The following TBC1D9B variants were observed in gnomAD, a reference collection of about 807,000 sequenced individuals.
TBC1D9B encodes TBC1 domain family, member 9B (with GRAM domain).
A neutral mutation model predicts 121.1 loss-of-function variants in TBC1D9B; 87 were observed. That is an observed-to-expected ratio of 0.72 (90% CI 0.60 to 0.86). TBC1D9B has a LOEUF of 0.86. TBC1D9B is among the 40% of genes least tolerant of loss of function. The pLI, the probability that TBC1D9B is intolerant of heterozygous loss-of-function variation, is 0.00. For synonymous variants in TBC1D9B, 668 were observed against 670.1 expected (o/e 1.00, Z 0.05); for missense variants, 1,540 against 1,628.6 (o/e 0.95, Z 0.94).
rs148836971 is a variant in TBC1D9B, at chr5:179,872,979, G to T, written c.2328C>A (p.Ser776Arg). 4.9e-4 allele frequency: 788 copies of T among 1,613,922 alleles called. No individual in the cohort carries two copies. Among genetic ancestry groups the T allele is most frequent in the Non-Finnish European group, 6.3e-4 (741 of 1,180,026 alleles). The stretch of plus-strand genomic sequence containing the variant: ...TCTGCTCAATGTCTTCGGCCCTCAG[G>T]CTGCTGAATTTCTATAGGGAGAGGT... ...LLKVSYEKFS[S>R]LRAEDIEQMR... The change falls in exon 14 of 21, where the codon AGC (serine) becomes AGA (arginine). Residue 776 changes from serine (S) to arginine (R), a missense_variant. By Grantham distance (110) the Ser-to-Arg change is moderately radical. Transcript: ENST00000355235.
At chr5:179,888,417 A>C (rs1312066465) in intron 6 of TBC1D9B, 105 bp from the exon 7 acceptor site, 5 of 1,152,988 alleles carry the variant, frequency 4.3e-6, no homozygotes, top group Non-Finnish European at 6.2e-6. Context: ...TCCTGGGCAC[A>C]ATGCAGTGAG....
rs773545331 is a variant in TBC1D9B at position 179,863,568 on chromosome 5, G to A, written c.3582C>T (p.Ser1194=). 14 of 1,614,054 alleles carry A rather than the reference G, an allele frequency of 8.7e-6. No homozygotes were observed. Among genetic ancestry groups the A allele is most frequent in the Admixed American group, 1.7e-5 (1 of 60,012 alleles). Residue 1194 remains serine, a synonymous_variant, in exon 21 of 21, where the codon TCC becomes TCT. Transcript: ENST00000355235. The surrounding 1 kb of genome is among the most constrained non-coding windows in gnomAD (Gnocchi z 4.5). ...EQILASILTE[S]VLVNFFEKRV... Reference sequence around the variant, plus strand: ...TCTTCTCAAAGAAGTTCACCAGCACGGACTCCGTCAGGATGGAGGCCAGGA... The same window carrying A: ...TCTTCTCAAAGAAGTTCACCAGCACAGACTCCGTCAGGATGGAGGCCAGGA...
At chr5:179,899,532 G>A (rs181920717) in intron 2 of TBC1D9B, among the ~76,000 whole-genome samples, 37 of 152,324 alleles carry the variant, frequency 2.4e-4, no homozygotes, top group African/African-American at 6.5e-4. Context: ...AATCACAGTC[G>A]TGTGGGAGAG....
rs1403908275 is a variant in TBC1D9B at position 179,879,672 on chromosome 5, G to C, written c.1372C>G (p.Leu458Val). 1.2e-6 allele frequency: 2 copies of C among 1,614,166 alleles called. No homozygotes were observed. The highest frequency in any genetic ancestry group is 3.3e-5 in the Admixed American group (2 of 60,030). ...TCCATGGGCGAGTTTTTCTGGAAGA[G>C]CTTCAGCAGGCCCTGGGATGCGGTT... is the stretch of plus-strand genomic sequence containing the variant. ...APTASQGLLK[L>V]FQKNSPMEDL... is the part of the protein sequence containing the mutation. Residue 458 changes from leucine to valine, a missense_variant, in exon 8 of 21, where the codon CTC becomes GTC. Physicochemically the swap from Leu to Val is conservative, Grantham distance 32. Transcript: ENST00000355235.
rs1014313756 is a variant in TBC1D9B, at chr5:179,887,599, G to T, written c.1254+504C>A. On this transcript the variant is annotated intron_variant, in intron 7 of 20. Coordinates refer to ENST00000355235, the MANE Select transcript of TBC1D9B (RefSeq NM_015043.4). ...ACCAAGAGTGACATGTGTGACTTTC[G>T]TCTGCCTCAGTTCAAATAATCAAAC... The T allele has an allele frequency of 3.0e-5, 5 of 164,842 alleles. No individual in the cohort carries two copies. The East Asian group carries it at 7.6e-4, about 25-fold the overall frequency. The allele number at this position is 164,842 out of a possible 1,614,324, so 10.2% of individuals were successfully genotyped here.
At chr5:179,903,083 T>G (rs2113652090) in intron 2 of TBC1D9B, among the ~76,000 whole-genome samples, 1 of 152,114 alleles carries the variant, frequency 6.6e-6, no homozygotes, top group Middle Eastern at 3.4e-3. Context: ...AACTTTTGAG[T>G]CTCATCATCT....
Position 179,902,873 on chromosome 5 carries a change from T to G in TBC1D9B, c.229+1829A>C, listed in dbSNP as rs1761200911. ...GATCGGGGGTCTAACTGGGCTTCCC[T>G]GCTTGGCCTTGGACAAACTCCCCTT... On this transcript the variant is annotated intron_variant, in intron 2 of 20. Transcript: ENST00000355235. The surrounding 1 kb of genome is among the most constrained non-coding windows in gnomAD (Gnocchi z 4.9). Among the ~76,000 whole-genome samples, 1 of 151,684 alleles carries G rather than the reference T, an allele frequency of 6.6e-6. No homozygotes were observed. The highest frequency in any genetic ancestry group is 2.1e-4 in the South Asian group (1 of 4,832).
Position 179,865,585 on chromosome 5 carries a change from A to G in TBC1D9B, c.2915-225T>C. The G allele has an allele frequency of 3.2e-6, 2 of 616,694 alleles. No homozygotes were observed. The highest frequency in any genetic ancestry group is 4.4e-4 in the Middle Eastern group (1 of 2,294). The allele number at this position is 616,694 out of a possible 1,614,324, so 38.2% of individuals were successfully genotyped here. ...ACCTAAGCTGATGACAATGATCCAC[A>G]ATGTCTTCTCTCAGATGGGGAGTCA... On this transcript the variant is annotated intron_variant, in intron 19 of 20. Transcript: ENST00000355235. The surrounding 1 kb of genome is among the most constrained non-coding windows in gnomAD (Gnocchi z 5.1).
In TBC1D9B at chr5:179,904,526, C is replaced by T. The variant is rs1344201817; in HGVS notation, c.229+176G>A. ...AGACGTGAGCCACCGCACCGGGCCA[C>T]GGAGCTGCCTTTCTAAGATGGAAGC... is the stretch of plus-strand genomic sequence containing the variant. On this transcript the variant is annotated intron_variant, in intron 2 of 20. Transcript: ENST00000355235. This position sits in a 1 kb window ranked among gnomAD's most constrained non-coding sequence, Gnocchi z 4.2. Among the ~76,000 whole-genome samples, 1 of 152,068 alleles carries T rather than the reference C, an allele frequency of 6.6e-6. No homozygotes were observed. Among genetic ancestry groups the T allele is most frequent in the Non-Finnish European group, 1.5e-5 (1 of 68,008 alleles).
chr5:179,907,888 AGCGGAGCGTGCGGAGCGGAGCGT>A, exon 1 of TBC1D9B: 1 of 914,196 alleles, frequency 1.1e-6, no homozygotes, highest in African/African-American at 2.1e-5. The surrounding 1 kb of genome is among the most constrained non-coding windows in gnomAD (Gnocchi z 5.3). Flanking sequence ...GGCGTCCCGG[AGCGGAGCGTGCGGAGCGGAGCGT>A]GCGGAGCGGG....
At chr5:179,896,967 C>T (rs761258595) in intron 3 of TBC1D9B, among the ~76,000 whole-genome samples, 53 of 151,692 alleles carry the variant, frequency 3.5e-4, no homozygotes, top group Non-Finnish European at 7.4e-4. Context: ...AGGGCAGTGG[C>T]ATGATCTCGG....
chr5:179,894,540 C>T lies in TBC1D9B; in HGVS notation c.423G>A (p.Glu141=), dbSNP rs1255342706. ...DEDPGKFKEA[E]LKMRKQFGMP... ...TCCCAAACTGCTTCCGCATCTTCAG[C>T]TCAGCCTCCTTGAACTTCCCGGGGT... is the stretch of plus-strand genomic sequence containing the variant. Residue 141 remains glutamate, a synonymous_variant, in exon 4 of 21, where the codon GAG becomes GAA. Coordinates refer to ENST00000355235, the MANE Select transcript of TBC1D9B (RefSeq NM_015043.4). The T allele has an allele frequency of 1.2e-6, 2 of 1,614,270 alleles. No individual in the cohort carries two copies. Among genetic ancestry groups the T allele is most frequent in the Middle Eastern group, 1.6e-4 (1 of 6,062 alleles).
Position 179,904,754 on chromosome 5 carries a change from G to GT in TBC1D9B, c.176dup (p.Tyr59Ter). Residue 59 changes from tyrosine (Y) to a stop codon, truncating the protein, a stop_gained and frameshift_variant, in exon 2 of 21, where the codon TAC becomes TAAC. Transcript: ENST00000355235. LOFTEE classifies it high-confidence loss of function. This position sits in a 1 kb window ranked among gnomAD's most constrained non-coding sequence, Gnocchi z 4.2. ...VLDSSARVAP[Y>*]RILHQTQDSQ... is the part of the protein sequence containing the mutation. ...AGTCCTGGGTCTGGTGCAGGATGCG[G>GT]TAAGGGGCCACGCGGGCACTGGAGT... The GT allele has an allele frequency of 6.3e-7, 1 of 1,581,062 alleles. No homozygotes were observed. Among genetic ancestry groups the GT allele is most frequent in the Non-Finnish European group, 8.6e-7 (1 of 1,163,834 alleles).
chr5:179,874,205 A>G lies in TBC1D9B; in HGVS notation c.2186+697T>C, dbSNP rs114824161. On this transcript the variant is annotated intron_variant, in intron 12 of 20. Coordinates refer to ENST00000355235, the MANE Select transcript of TBC1D9B (RefSeq NM_015043.4). This position sits in a 1 kb window ranked among gnomAD's most constrained non-coding sequence, Gnocchi z 4.3. ...TGAAGGCCAGGCTGGAGGCTCAGAC[A>G]GTGCCTTTGTACAGAGGACCCAGGG... 5.1e-3 allele frequency among the ~76,000 whole-genome samples: 775 copies of G among 152,266 alleles called. 6 individuals carry two copies. The highest frequency in any genetic ancestry group is 0.018 in the African/African-American group (738 of 41,550).
chr5:179,907,557 C>A lies in TBC1D9B; in HGVS notation c.118+147G>T. On this transcript the variant is annotated intron_variant, in intron 1 of 20. Transcript: ENST00000355235. The surrounding 1 kb of genome is among the most constrained non-coding windows in gnomAD (Gnocchi z 5.3). ...GCCCGGCTCCCGGGTCCTGGCCTCGCGCCCCCGCCCCGCCGCGCGCTGGCG... is the reference window on the plus strand; with the variant it reads ...GCCCGGCTCCCGGGTCCTGGCCTCGAGCCCCCGCCCCGCCGCGCGCTGGCG... 3.4e-6 allele frequency: 1 copy of A among 296,136 alleles called. No individual in the cohort carries two copies. Among genetic ancestry groups the A allele is most frequent in the Non-Finnish European group, 5.0e-6 (1 of 201,994 alleles). 18.3% of individuals were successfully genotyped at this position (296,136 alleles called of 1,614,324 possible).
intron 12 of TBC1D9B, 110 bp from the exon 13 acceptor site, chr5:179,873,358 G>T (rs1760260917): frequency 7.0e-7 from 1 of 1,423,204 alleles, no homozygotes. Context: ...TCCTAATAAG[G>T]AGTGTGCAGA....
At chr5:179,897,254 G>A (rs921743391) in intron 3 of TBC1D9B, among the ~76,000 whole-genome samples, 1 of 151,500 alleles carries the variant, frequency 6.6e-6, no homozygotes, top group Non-Finnish European at 1.5e-5. Flanking sequence ...TTCCTTCTGT[G>A]TATTGCTCTC....
chr5:179,871,400 T>A, intron 15 of TBC1D9B, 62 bp downstream of exon 15: 1 of 1,536,034 alleles, frequency 6.5e-7, no homozygotes, highest in Non-Finnish European at 9.0e-7. Context: ...TTAGATCCAT[T>A]TCTTTTCTGG....
rs1354660311 is a variant in TBC1D9B at position 179,885,300 on chromosome 5, G to A, written c.1254+2803C>T. On this transcript the variant is annotated intron_variant, in intron 7 of 20. Coordinates refer to ENST00000355235, the MANE Select transcript of TBC1D9B (RefSeq NM_015043.4). The surrounding 1 kb of genome is among the most constrained non-coding windows in gnomAD (Gnocchi z 4.5). ...TTTCAACAGGAATCAATTAAAAAATGATGGAGTGGCCAGGCACGGTGGCTC... is the reference window on the plus strand; with the variant it reads ...TTTCAACAGGAATCAATTAAAAAATAATGGAGTGGCCAGGCACGGTGGCTC... Among the ~76,000 whole-genome samples the A allele has an allele frequency of 6.6e-6, 1 of 152,140 alleles. No homozygotes were observed. The highest frequency in any genetic ancestry group is 2.4e-5 in the African/African-American group (1 of 41,436).
Sources: gnomAD v4.1 joint callset for allele counts (sites outside exome capture counted in the v4.1 genomes callset) on GRCh38, gnomAD v4.1.1 for gene constraint, Gnocchi (gnomAD v3.1) non-coding constraint, MANE v1.5 for transcripts, NCBI Gene and HGNC (gene_info 2026-07-23, HGNC 2026-07-21) for gene names.